DHRSX: variants seen among roughly 807,000 people sequenced by gnomAD.
DHRSX encodes polyprenol dehydrogenase.
DHRSX carries 31 observed loss-of-function variants against 34.0 expected under a neutral mutation model. The observed-to-expected ratio is 0.91, with a 90% CI of 0.69 to 1.23. The LOEUF (loss-of-function observed/expected upper bound fraction) is 1.23. Ranked by LOEUF, DHRSX falls within the 50% of genes most tolerant of loss-of-function variation. DHRSX has a pLI of 0.00. For synonymous variants in DHRSX, 201 were observed against 183.8 expected (o/e 1.09, Z -0.76); for missense variants, 414 against 428.1 (o/e 0.97, Z 0.29).
intron 3 of DHRSX, among the ~76,000 whole-genome samples, chrX:2,332,810 G>A (rs1159478923): frequency 6.6e-6 from 1 of 152,164 alleles, no homozygotes; most frequent in Non-Finnish European, 1.5e-5. Context: ...ATATCCATCT[G>A]ATTTGGCCAG....
chrX:2,408,880 A>AC, intron 2 of DHRSX, 67 bp from the exon 3 acceptor site: 4 of 1,328,356 alleles, frequency 3.0e-6, no homozygotes, highest in Non-Finnish European at 4.2e-6. Flanking sequence ...TAACTGCAAA[A>AC]AAAAAAAGAG....
At chrX:2,459,865 T>C (rs1305173734) in intron 1 of DHRSX, among the ~76,000 whole-genome samples, 5 of 151,922 alleles carry the variant, frequency 3.3e-5, no homozygotes, top group Non-Finnish European at 7.4e-5. Context: ...CCCAGCACTT[T>C]GGGAGGCTGA....
At chrX:2,270,266 C>T (rs2041531998) in intron 4 of DHRSX, among the ~76,000 whole-genome samples, 1 of 152,212 alleles carries the variant, frequency 6.6e-6, no homozygotes, top group South Asian at 2.1e-4. Context: ...GCTGGCTCCT[C>T]GCCGGCTCAG....
At chrX:2,396,433 A>C (rs1164040429) in intron 3 of DHRSX, among the ~76,000 whole-genome samples, 1 of 125,972 alleles carries the variant, frequency 7.9e-6, no homozygotes, top group Non-Finnish European at 1.6e-5. Context: ...GCTGGAGTGC[A>C]TTGGCAATAT....
intron 1 of DHRSX, chrX:2,488,511 TTCTAGGTG>T: frequency 7.9e-7 from 1 of 1,265,394 alleles, no homozygotes; most frequent in South Asian, 1.6e-5. Context: ...TTTTTCCACC[TTCTAGGTG>T]TCAAAGACAG....
At chrX:2,258,109 G>A (rs1234661536) in intron 5 of DHRSX, among the ~76,000 whole-genome samples, 1 of 152,114 alleles carries the variant, frequency 6.6e-6, no homozygotes, top group African/African-American at 2.4e-5. Context: ...GGCCTGAGGA[G>A]GAACCAGCCC....
chrX:2,454,044 T>G (rs2044263518), intron 1 of DHRSX, among the ~76,000 whole-genome samples: 1 of 152,208 alleles, frequency 6.6e-6, no homozygotes, highest in Non-Finnish European at 1.5e-5. Flanking sequence ...AATTATTTTT[T>G]GTTAACGAAA....
At chrX:2,285,650 T>C (rs1335411138) in intron 4 of DHRSX, among the ~76,000 whole-genome samples, 2 of 152,138 alleles carry the variant, frequency 1.3e-5, no homozygotes, top group Admixed American at 1.3e-4. Context: ...AGCCCTGGTT[T>C]AGGGGTCTGC....
chrX:2,461,296 G>C (rs753587444), intron 1 of DHRSX, among the ~76,000 whole-genome samples: 1 of 152,294 alleles, frequency 6.6e-6, no homozygotes, highest in Admixed American at 6.5e-5. Context: ...CTAAAAGCCA[G>C]TTGGAGCCTG....
chrX:2,223,866 T>C (rs1401347635), intron 6 of DHRSX, among the ~76,000 whole-genome samples: 1 of 152,086 alleles, frequency 6.6e-6, no homozygotes, highest in Non-Finnish European at 1.5e-5. Flanking sequence ...CCCACTTCCA[T>C]ATAAAAGGCA....
At chrX:2,467,668 C>T (rs2044517373) in intron 1 of DHRSX, among the ~76,000 whole-genome samples, 1 of 152,106 alleles carries the variant, frequency 6.6e-6, no homozygotes, top group African/African-American at 2.4e-5. Flanking sequence ...AGTTGCAAAC[C>T]AGGTGGATCA....
chrX:2,253,557 T>C (rs2016493159), intron 5 of DHRSX, among the ~76,000 whole-genome samples: 1 of 152,230 alleles, frequency 6.6e-6, no homozygotes, highest in Admixed American at 6.5e-5. Flanking sequence ...GCCACTGCAC[T>C]CCAGTCTGGG....
At chrX:2,403,797 A>T (rs187092034) in intron 3 of DHRSX, among the ~76,000 whole-genome samples, 2 of 150,026 alleles carry the variant, frequency 1.3e-5, no homozygotes, top group Non-Finnish European at 3.0e-5. Flanking sequence ...CGGAGGTTGC[A>T]GTGAGCCGAG....
chrX:2,449,868 C>G (rs1262065502), intron 1 of DHRSX, among the ~76,000 whole-genome samples: 1 of 152,000 alleles, frequency 6.6e-6, no homozygotes, highest in Admixed American at 6.6e-5. Flanking sequence ...TCTCAATCTC[C>G]TGTACTCAAG....
In DHRSX at chrX:2,220,122, T is replaced by A. The variant is rs753910423; in HGVS notation, c.*919A>T. 11 of 152,432 alleles carry A rather than the reference T, an allele frequency of 7.2e-5. No homozygotes were observed. Among genetic ancestry groups the A allele is most frequent in the Admixed American group, 4.6e-4 (7 of 15,296 alleles). 9.4% of individuals were successfully genotyped at this position (152,432 alleles called of 1,614,324 possible). A position where few individuals can be genotyped will look rare whatever the true frequency, so the allele number is the denominator to read the frequency against. ...GGGGCCAAGATTGCTCTGAGGGGTA[T>A]AAGGGAGAATCCTTCCTGCCTGTCC... On this transcript the variant is annotated 3_prime_UTR_variant, in exon 7 of 7. Coordinates refer to ENST00000334651, the MANE Select transcript of DHRSX (RefSeq NM_145177.3).
intron 6 of DHRSX, among the ~76,000 whole-genome samples, chrX:2,240,565 A>G (rs1263270323): frequency 6.6e-6 from 1 of 151,822 alleles, no homozygotes; most frequent in East Asian, 2.0e-4. Flanking sequence ...TAAAGGGAAA[A>G]GCTGTCTAAA....
intron 3 of DHRSX, among the ~76,000 whole-genome samples, chrX:2,299,747 C>T (rs1244129048): frequency 6.6e-5 from 10 of 151,678 alleles, no homozygotes; most frequent in Admixed American, 5.3e-4. Flanking sequence ...CCCAGATACT[C>T]GGGAGGCTGA....
chrX:2,245,970 C>A (rs186634051), intron 5 of DHRSX, among the ~76,000 whole-genome samples: 118,975 of 136,052 alleles, frequency 0.87, 51,788 homozygotes, highest in East Asian at 0.95. Context: ...TCAAAAAAAA[C>A]AAAAAAACAA....
chrX:2,282,588 G>GAAGA (rs1355100602), intron 4 of DHRSX, among the ~76,000 whole-genome samples: 15 of 142,596 alleles, frequency 1.1e-4, no homozygotes, highest in East Asian at 2.2e-4. Context: ...GGGAGAGAGA[G>GAAGA]AAGAAAGAGG....
Sources: allele counts gnomAD v4.1 joint callset (sites outside exome capture counted in the v4.1 genomes callset), GRCh38; gene constraint gnomAD v4.1.1; transcripts MANE v1.5; gene names NCBI Gene and HGNC (gene_info 2026-07-23, HGNC 2026-07-21).